RCAN2: variants seen among roughly 807,000 people sequenced by gnomAD.
The protein encoded by RCAN2 is calcipressin-2.
RCAN2 carries 9 observed loss-of-function variants against 23.6 expected under a neutral mutation model. That is an observed-to-expected ratio of 0.38 (90% CI 0.23 to 0.67). RCAN2 has a LOEUF of 0.67. Among genes scored for constraint, RCAN2 ranks in the 30% least tolerant of loss-of-function variants. The probability of loss-of-function intolerance (pLI) is 0.51; values close to 1 mark genes in which losing one functional copy is unlikely to be tolerated. For missense variants in RCAN2, 273 were observed against 302.3 expected, an observed-to-expected ratio of 0.90 and a Z score of 0.72; for synonymous variants, 109 against 115.7, an observed-to-expected ratio of 0.94 and a Z score of 0.37.
chr6:46,342,643 G>A lies in RCAN2; in HGVS notation c.226-93747C>T, dbSNP rs149362171. ...TTTCAAACCCAGAGATCTGATGAAAGGAAAGCCTAAATGAACCAAATTCCA... is the reference window on the plus strand; with the variant it reads ...TTTCAAACCCAGAGATCTGATGAAAAGAAAGCCTAAATGAACCAAATTCCA... On this transcript the variant is annotated intron_variant, in intron 2 of 4. Coordinates refer to ENST00000371374, the MANE Select transcript of RCAN2 (RefSeq NM_001251974.2). 4.0e-5 allele frequency among the ~76,000 whole-genome samples: 6 copies of A among 151,014 alleles called. No individual in the cohort carries two copies. In the East Asian group the frequency reaches 1.2e-3, roughly 30 times the overall value.
At chr6:46,321,773 A>G (rs1561858245) in intron 2 of RCAN2, among the ~76,000 whole-genome samples, 2 of 152,222 alleles carry the variant, frequency 1.3e-5, no homozygotes. Flanking sequence ...AGGTGAAGGA[A>G]CTGCAGGTGT....
chr6:46,305,759 A>T (rs893257456), intron 2 of RCAN2, among the ~76,000 whole-genome samples: 1 of 151,906 alleles, frequency 6.6e-6, no homozygotes, highest in African/African-American at 2.4e-5. Context: ...CTGGAGGGGG[A>T]CCAAGACCAT....
intron 2 of RCAN2, among the ~76,000 whole-genome samples, chr6:46,386,501 G>A (rs1388586135): frequency 2.6e-5 from 4 of 151,214 alleles, no homozygotes; most frequent in South Asian, 2.1e-4. Context: ...CCAGCTACTC[G>A]GGAGGCTGAG....
At chr6:46,262,588 TTAAA>T (rs10526400) in intron 2 of RCAN2, among the ~76,000 whole-genome samples, 36 of 146,586 alleles carry the variant, frequency 2.5e-4, no homozygotes, top group African/African-American at 8.4e-4. Context: ...AGCCTCTGTC[TTAAA>T]TAAATAAATA....
chr6:46,415,256 G>A (rs913145252), intron 2 of RCAN2, among the ~76,000 whole-genome samples: 2 of 152,112 alleles, frequency 1.3e-5, no homozygotes, highest in Admixed American at 6.5e-5. Context: ...CTGTAGGAAC[G>A]GATTAAGGGT....
chr6:46,487,677 G>A (rs1013193831), intron 1 of RCAN2, among the ~76,000 whole-genome samples: 4 of 152,206 alleles, frequency 2.6e-5, no homozygotes, highest in Admixed American at 2.6e-4. Flanking sequence ...AAGTGACCAT[G>A]GAGATTCCTC....
At chr6:46,400,123 A>G (rs1351379344) in intron 2 of RCAN2, among the ~76,000 whole-genome samples, 1 of 152,170 alleles carries the variant, frequency 6.6e-6, no homozygotes, top group Non-Finnish European at 1.5e-5. Flanking sequence ...CTCTGCCTCA[A>G]AGTGCAATTC....
intron 2 of RCAN2, among the ~76,000 whole-genome samples, chr6:46,354,689 T>C (rs1764769391): frequency 6.6e-6 from 1 of 152,266 alleles, no homozygotes; most frequent in African/African-American, 2.4e-5. Context: ...ATGTAGTCAC[T>C]GATCTTGCCA....
chr6:46,420,202 A>G (rs1295776479), intron 2 of RCAN2, among the ~76,000 whole-genome samples: 1 of 152,038 alleles, frequency 6.6e-6, no homozygotes, highest in African/African-American at 2.4e-5. Flanking sequence ...GAAAGACTAG[A>G]GCATTTAAAC....
intron 2 of RCAN2, among the ~76,000 whole-genome samples, chr6:46,378,481 C>G (rs182754520): frequency 1.3e-4 from 20 of 152,268 alleles, no homozygotes; most frequent in African/African-American, 4.3e-4. Context: ...GAGAGAAATT[C>G]AGGATTTACC....
intron 2 of RCAN2, among the ~76,000 whole-genome samples, chr6:46,420,674 G>A (rs909017962): frequency 6.6e-6 from 1 of 151,550 alleles, no homozygotes; most frequent in East Asian, 1.9e-4. Flanking sequence ...CTCCCAAGTA[G>A]CTGGGATTAC....
intron 2 of RCAN2, among the ~76,000 whole-genome samples, chr6:46,343,792 T>C (rs1484888140): frequency 6.6e-6 from 1 of 152,234 alleles, no homozygotes; most frequent in Non-Finnish European, 1.5e-5. Flanking sequence ...ATACAAAAGC[T>C]TGTTTTTAAA....
chr6:46,475,483 A>G (rs1768689911), intron 1 of RCAN2, among the ~76,000 whole-genome samples: 1 of 152,208 alleles, frequency 6.6e-6, no homozygotes, highest in African/African-American at 2.4e-5. Context: ...CCTCTTCTCC[A>G]ATGTCAAGAC....
chr6:46,487,055 C>T (rs987920476), intron 1 of RCAN2, among the ~76,000 whole-genome samples: 1 of 152,200 alleles, frequency 6.6e-6, no homozygotes, highest in Non-Finnish European at 1.5e-5. Flanking sequence ...GCAGAAAATT[C>T]TTCAGGAAGA....
chr6:46,373,681 T>G (rs1376374871), intron 2 of RCAN2, among the ~76,000 whole-genome samples: 2 of 152,242 alleles, frequency 1.3e-5, no homozygotes, highest in Non-Finnish European at 2.9e-5. Context: ...GTTACTTATC[T>G]GGTAAGACAC....
chr6:46,274,010 T>C (rs558244150), intron 2 of RCAN2, among the ~76,000 whole-genome samples: 1 of 152,340 alleles, frequency 6.6e-6, no homozygotes, highest in Admixed American at 6.5e-5. Context: ...GTCAGCTGAA[T>C]GGAGCACAGC....
intron 4 of RCAN2, among the ~76,000 whole-genome samples, chr6:46,238,397 AT>A (rs199747815): frequency 1.2e-4 from 18 of 151,482 alleles, no homozygotes; most frequent in African/African-American, 3.9e-4. Flanking sequence ...CTGGAAATGG[AT>A]TTTTTTTTGT....
intron 2 of RCAN2, among the ~76,000 whole-genome samples, chr6:46,387,579 T>C (rs1429784234): frequency 3.3e-5 from 5 of 152,166 alleles, no homozygotes; most frequent in South Asian, 2.1e-4. Flanking sequence ...GTTAGAATGG[T>C]GATCATTAAA....
At chr6:46,230,895 C>T (rs2150307633) in intron 4 of RCAN2, among the ~76,000 whole-genome samples, 1 of 152,314 alleles carries the variant, frequency 6.6e-6, no homozygotes, top group African/African-American at 2.4e-5. Context: ...CTTGGAACCT[C>T]TCTCCAAGGT....
Sources: allele counts gnomAD v4.1 joint callset (sites outside exome capture counted in the v4.1 genomes callset), GRCh38; gene constraint gnomAD v4.1.1; transcripts MANE v1.5; gene names NCBI Gene and HGNC (gene_info 2026-07-23, HGNC 2026-07-21).